Variants in ANO6 observed in about 807,000 individuals in gnomAD.
ANO6 encodes the protein anoctamin 6, also known as anoctamin-6.
A neutral mutation model predicts 117.5 loss-of-function variants in ANO6; 106 were observed. That is an observed-to-expected ratio of 0.90 (90% CI 0.77 to 1.06). The LOEUF (loss-of-function observed/expected upper bound fraction) is 1.06, where lower values mean the gene tolerates loss of function less well. Ranked by LOEUF, ANO6 falls within the 50% of genes least tolerant of loss-of-function variation. The pLI, the probability that ANO6 is intolerant of heterozygous loss-of-function variation, is 0.00. For missense variants in ANO6, 955 were observed against 1,121.1 expected (o/e 0.85, Z 2.12); for synonymous variants, 367 against 385.1 (o/e 0.95, Z 0.55).
intron 11 of ANO6, among the ~76,000 whole-genome samples, chr12:45,389,129 G>A (rs760550913): frequency 5.3e-5 from 8 of 152,122 alleles, no homozygotes; most frequent in Non-Finnish European, 8.8e-5. Flanking sequence ...CCCAACTATA[G>A]GTTTTATAAA....
intron 10 of ANO6, among the ~76,000 whole-genome samples, chr12:45,385,211 A>G (rs531249014): frequency 1.4e-4 from 22 of 152,148 alleles, no homozygotes; most frequent in Non-Finnish European, 2.9e-4. Flanking sequence ...AGAAGCAGAT[A>G]TAGGTTGGGA....
At chr12:45,301,897 A>T in intron 1 of ANO6, 117 bp from the exon 2 acceptor site, 1 of 838,270 alleles carries the variant, frequency 1.2e-6, no homozygotes, top group East Asian at 2.5e-5. Flanking sequence ...TAAATAATAT[A>T]AACCTGTCAA....
chr12:45,427,329 C>T (rs1032449341), intron 19 of ANO6, among the ~76,000 whole-genome samples: 1 of 152,124 alleles, frequency 6.6e-6, no homozygotes, highest in Non-Finnish European at 1.5e-5. Flanking sequence ...CGCCCCAGTG[C>T]CCCTCAGACA....
chr12:45,386,342 G>C (rs1355295312), intron 10 of ANO6, among the ~76,000 whole-genome samples: 1 of 152,116 alleles, frequency 6.6e-6, no homozygotes, highest in African/African-American at 2.4e-5. Context: ...ATTTCTTCTT[G>C]AGTAGTCCAC....
Position 45,348,106 on chromosome 12 carries a change from A to G in ANO6, c.424A>G (p.Ile142Val). 6.2e-7 allele frequency: 1 copy of G among 1,614,108 alleles called. No homozygotes were observed. The highest frequency in any genetic ancestry group is 8.5e-7 in the Non-Finnish European group (1 of 1,179,976). ...VLCTYAEIMH[I>V]KLPLKPNDLK... ...ATGTACGTATGCTGAGATAATGCACATCAAATTGCCTCTGAAACCCAATGA... is the reference window on the plus strand; with the variant it reads ...ATGTACGTATGCTGAGATAATGCACGTCAAATTGCCTCTGAAACCCAATGA... Residue 142 changes from isoleucine (I) to valine (V), a missense_variant, in exon 5 of 20, where the codon ATC (isoleucine) becomes GTC (valine). Ile to Val is a conservative substitution (Grantham distance 29). Coordinates refer to ENST00000320560, the MANE Select transcript of ANO6 (RefSeq NM_001025356.3).
intron 9 of ANO6, 123 bp downstream of exon 9, chr12:45,367,916 T>A (rs527914603): frequency 4.0e-6 from 3 of 740,812 alleles, no homozygotes; most frequent in African/African-American, 3.5e-5. Flanking sequence ...TCAACTAACC[T>A]TTCAAACATT....
chr12:45,430,735 C>T lies in ANO6; in HGVS notation c.*1424C>T. 1 of 985,450 alleles carries T rather than the reference C, an allele frequency of 1.0e-6. No homozygotes were observed. The highest frequency in any genetic ancestry group is 1.2e-6 in the Non-Finnish European group (1 of 829,956). 61.0% of individuals were successfully genotyped at this position (985,450 alleles called of 1,614,324 possible). A position where few individuals can be genotyped will look rare whatever the true frequency, so the allele number is the denominator to read the frequency against. ...TCTTGCCATGCACGTCTTGCCCCCT[C>T]ACTTTTGCTCAGCCTAGCAGTCTAC... On this transcript the variant is annotated 3_prime_UTR_variant, in exon 20 of 20. Transcript: ENST00000320560.
chr12:45,239,334 G>C (rs1429504755), intron 1 of ANO6, among the ~76,000 whole-genome samples: 2 of 152,174 alleles, frequency 1.3e-5, no homozygotes, highest in East Asian at 3.9e-4. Flanking sequence ...GTGTGGGTGT[G>C]TTTGTAGTAT....
chr12:45,225,380 G>T (rs112890373), intron 1 of ANO6, among the ~76,000 whole-genome samples: 1,663 of 152,130 alleles, frequency 0.011, 30 homozygotes, highest in African/African-American at 0.036. Flanking sequence ...AAAAACACTC[G>T]TCTTGAAGCG....
At chr12:45,402,071 C>G (rs747892831) in intron 13 of ANO6, 51 bp downstream of exon 13, 2 of 1,479,450 alleles carry the variant, frequency 1.4e-6, no homozygotes, top group Non-Finnish European at 1.9e-6. Flanking sequence ...TTAGAACCTG[C>G]CAAAAATAGA....
At chr12:45,282,817 A>G (rs113594761) in intron 1 of ANO6, among the ~76,000 whole-genome samples, 2,141 of 152,374 alleles carry the variant, frequency 0.014, 40 homozygotes, top group African/African-American at 0.047. Context: ...ATTAGAAAGT[A>G]TAACTGAGAA....
At chr12:45,268,413 G>A (rs925000133) in intron 1 of ANO6, among the ~76,000 whole-genome samples, 75 of 152,242 alleles carry the variant, frequency 4.9e-4, no homozygotes, top group African/African-American at 1.8e-3. Context: ...CCAGCTACTC[G>A]AGAGCCTGAG....
intron 1 of ANO6, among the ~76,000 whole-genome samples, chr12:45,239,971 A>G (rs1006064203): frequency 6.6e-6 from 1 of 152,116 alleles, no homozygotes; most frequent in Non-Finnish European, 1.5e-5. Context: ...TATAAGTGCT[A>G]TATGGTGCTG....
At chr12:45,320,635 C>G (rs573154481) in intron 2 of ANO6, among the ~76,000 whole-genome samples, 2 of 152,176 alleles carry the variant, frequency 1.3e-5, no homozygotes, top group African/African-American at 4.8e-5. Context: ...TCTATTAGGT[C>G]CACTTGGTGC....
chr12:45,236,846 C>T (rs765325151), intron 1 of ANO6, among the ~76,000 whole-genome samples: 7 of 152,216 alleles, frequency 4.6e-5, no homozygotes, highest in Non-Finnish European at 8.8e-5. Flanking sequence ...CTCCCACCAA[C>T]AGTGTAAAAG....
At chr12:45,387,369 A>G (rs1942326910) in intron 10 of ANO6, among the ~76,000 whole-genome samples, 1 of 152,224 alleles carries the variant, frequency 6.6e-6, no homozygotes, top group African/African-American at 2.4e-5. Flanking sequence ...TTTATTTGGG[A>G]CATCCTAAAG....
intron 10 of ANO6, among the ~76,000 whole-genome samples, chr12:45,381,191 T>C (rs1163424404): frequency 6.6e-6 from 1 of 152,240 alleles, no homozygotes; most frequent in Non-Finnish European, 1.5e-5. Flanking sequence ...TATGTATATG[T>C]GCATCTTCTT....
At position 45,331,336 on chromosome 12, in the gene ANO6, T is replaced by C; in HGVS notation, c.192T>C (p.Asp64=). 6.2e-7 allele frequency: 1 copy of C among 1,610,212 alleles called. No homozygotes were observed. The highest frequency in any genetic ancestry group is 8.5e-7 in the Non-Finnish European group (1 of 1,178,082). ...AACCTGACTCCCTCTTTTTTAATGA[T>C]GGCCAGCGAAGAATTGACTTTGTTC... ...NGKPDSLFFN[D]GQRRIDFVLV... is the part of the protein sequence containing the mutation. Residue 64 remains aspartate (D), a synonymous_variant, in exon 3 of 20, where the codon GAT becomes GAC. Coordinates refer to ENST00000320560, the MANE Select transcript of ANO6 (RefSeq NM_001025356.3).
chr12:45,416,602 G>T (rs1943219551), intron 16 of ANO6, 97 bp from the exon 17 acceptor site: 1 of 1,094,238 alleles, frequency 9.1e-7, no homozygotes. Context: ...TTCTCTCTGG[G>T]ATTTAGTTCG....
Sources: allele counts gnomAD v4.1 joint callset (sites outside exome capture counted in the v4.1 genomes callset), GRCh38; gene constraint gnomAD v4.1.1; transcripts MANE v1.5; gene names NCBI Gene and HGNC (gene_info 2026-07-23, HGNC 2026-07-21).